NRXN3: variants seen among roughly 807,000 people sequenced by gnomAD.
NRXN3 encodes neurexin III.
In NRXN3, 32 loss-of-function variants were observed where a neutral mutation model predicts 137.6. The ratio of observed to expected loss-of-function variants is 0.23; its 90% confidence interval spans 0.18 to 0.31. NRXN3 has a LOEUF of 0.31. Among genes scored for constraint, NRXN3 ranks in the 10% least tolerant of loss-of-function variants. The pLI is 1.00. For synonymous variants in NRXN3, 798 were observed against 784.5 expected, an observed-to-expected ratio of 1.02 and a Z score of -0.29; for missense variants, 1,574 against 2,062.5, an observed-to-expected ratio of 0.76 and a Z score of 4.59.
intron 15 of NRXN3, among the ~76,000 whole-genome samples, chr14:79,210,675 G>T (rs80255203): frequency 6.6e-6 from 1 of 152,076 alleles, no homozygotes; most frequent in Admixed American, 6.6e-5. Flanking sequence ...AGAATTCCTT[G>T]GTTTTAATAA....
intron 16 of NRXN3, among the ~76,000 whole-genome samples, chr14:79,480,992 A>G (rs1349472396): frequency 1.3e-5 from 2 of 152,136 alleles, no homozygotes; most frequent in Non-Finnish European, 2.9e-5. Flanking sequence ...CTTTATATCA[A>G]TGCCAGAAAG....
chr14:79,058,168 G>T (rs898975340), intron 15 of NRXN3, among the ~76,000 whole-genome samples: 1 of 152,068 alleles, frequency 6.6e-6, no homozygotes, highest in Non-Finnish European at 1.5e-5. Flanking sequence ...TGGAGGAGCT[G>T]CTGTAGGGAA....
At chr14:78,271,928 ACGAAGGAAACAACCTCCT>A (rs2072822448) in intron 2 of NRXN3, among the ~76,000 whole-genome samples, 1 of 152,138 alleles carries the variant, frequency 6.6e-6, no homozygotes, top group African/African-American at 2.4e-5. Context: ...GAGCCCTAGA[ACGAAGGAAACAACCTCCT>A]CACTGCTGGA....
At chr14:79,764,682 C>T (rs1443454736) in intron 19 of NRXN3, among the ~76,000 whole-genome samples, 1 of 152,068 alleles carries the variant, frequency 6.6e-6, no homozygotes, top group African/African-American at 2.4e-5. Flanking sequence ...TTTCCTTATA[C>T]ACTTCCATGT....
intron 16 of NRXN3, among the ~76,000 whole-genome samples, chr14:79,645,836 C>A (rs969900745): frequency 5.2e-5 from 7 of 134,928 alleles, no homozygotes; most frequent in African/African-American, 1.7e-4. Context: ...TTGAAACTTG[C>A]CCTTTTGGCA....
At chr14:78,551,550 C>A (rs1423118156) in intron 4 of NRXN3, among the ~76,000 whole-genome samples, 2 of 150,014 alleles carry the variant, frequency 1.3e-5, no homozygotes, top group African/African-American at 4.9e-5. Context: ...TTTTTAATCT[C>A]ACCTCCTCTC....
At chr14:78,549,179 A>G (rs1190350687) in intron 4 of NRXN3, among the ~76,000 whole-genome samples, 2 of 152,200 alleles carry the variant, frequency 1.3e-5, no homozygotes, top group African/African-American at 4.8e-5. Flanking sequence ...TCCAACCTAA[A>G]CAGTTTCATA....
chr14:79,034,349 TACAC>T lies in NRXN3; in HGVS notation c.3262+46234_3262+46237del, dbSNP rs56226324. Among the ~76,000 whole-genome samples, 356 of 144,286 alleles carry T rather than the reference TACAC, an allele frequency of 2.5e-3. 1 individual carries two copies. Among genetic ancestry groups the T allele is most frequent in the South Asian group, 4.2e-3 (19 of 4,498 alleles). The allele number at this position is 144,286 out of a possible 152,430, so 94.7% of individuals were successfully genotyped here. A position where few individuals can be genotyped will look rare whatever the true frequency, so the allele number is the denominator to read the frequency against. Reference sequence around the variant, plus strand: ...TACTATAATTATGGTTCTTATTTCTTACACACACACACACACACACACACACACA... The same window carrying T: ...TACTATAATTATGGTTCTTATTTCTTACACACACACACACACACACACACA... On this transcript the variant is annotated intron_variant, in intron 15 of 20. Coordinates refer to ENST00000335750, the MANE Select transcript of NRXN3 (RefSeq NM_001330195.2).
At chr14:78,880,273 C>T (rs1159812354) in intron 10 of NRXN3, among the ~76,000 whole-genome samples, 1 of 150,836 alleles carries the variant, frequency 6.6e-6, no homozygotes, top group Non-Finnish European at 1.5e-5. Flanking sequence ...AGAATTGACC[C>T]ATTTACAATA....
intron 10 of NRXN3, among the ~76,000 whole-genome samples, chr14:78,954,755 G>A (rs931262644): frequency 1.3e-5 from 2 of 148,444 alleles, no homozygotes; most frequent in African/African-American, 5.0e-5. Context: ...GTGAGCCACT[G>A]CACCTGGCCT....
chr14:78,299,891 T>G (rs536438441), intron 4 of NRXN3, among the ~76,000 whole-genome samples: 1 of 152,346 alleles, frequency 6.6e-6, no homozygotes, highest in Non-Finnish European at 1.5e-5. Flanking sequence ...TGCAGAATTC[T>G]TCTGGGTAAC....
intron 4 of NRXN3, among the ~76,000 whole-genome samples, chr14:78,370,934 G>A (rs191148528): frequency 6.8e-4 from 104 of 152,300 alleles, no homozygotes; most frequent in Non-Finnish European, 1.2e-3. Flanking sequence ...GAGTACCTGT[G>A]TGATACTAGT....
At chr14:79,204,020 C>T (rs531847726) in intron 15 of NRXN3, among the ~76,000 whole-genome samples, 5 of 152,122 alleles carry the variant, frequency 3.3e-5, no homozygotes, top group African/African-American at 1.2e-4. Context: ...AGTTGGGTAG[C>T]GATATATGCA....
At position 79,542,199 on chromosome 14, in the gene NRXN3, A is replaced by T. The variant is rs1337727141; in HGVS notation, c.3444+74797A>T. On this transcript the variant is annotated intron_variant, in intron 16 of 20. Transcript: ENST00000335750. ...AGATTGGTATTCTGTGACATTGCTC[A>T]TGTGCAATAGAAGAATAACAAGATC... Among the ~76,000 whole-genome samples the T allele has an allele frequency of 2.6e-5, 4 of 152,218 alleles. No individual in the cohort carries two copies. In the East Asian group the frequency reaches 7.7e-4, roughly 29 times the overall value.
At chr14:79,425,972 G>A (rs1356428620) in intron 15 of NRXN3, among the ~76,000 whole-genome samples, 1 of 152,026 alleles carries the variant, frequency 6.6e-6, no homozygotes, top group Non-Finnish European at 1.5e-5. Flanking sequence ...GAGCAGAGAT[G>A]AGGGGATGAG....
In NRXN3 at chr14:79,517,366, T is replaced by A. The variant is rs946606238; in HGVS notation, c.3444+49964T>A. 3.3e-5 allele frequency among the ~76,000 whole-genome samples: 5 copies of A among 152,314 alleles called. No individual in the cohort carries two copies. The South Asian group carries it at 1.0e-3, about 32-fold the overall frequency. On this transcript the variant is annotated intron_variant, in intron 16 of 20. Transcript: ENST00000335750. ...AATTGATTTCTACTAGAGAGACTAA[T>A]CTCCATGATATGGGATGCAAATATC...
intron 16 of NRXN3, among the ~76,000 whole-genome samples, chr14:79,633,997 A>C (rs1439469168): frequency 6.9e-6 from 1 of 145,236 alleles, no homozygotes; most frequent in Admixed American, 6.8e-5. Context: ...ATAAACACAA[A>C]ACCAAAACCA....
At chr14:78,693,806 C>T (rs539339468) in intron 6 of NRXN3, among the ~76,000 whole-genome samples, 47 of 151,326 alleles carry the variant, frequency 3.1e-4, no homozygotes, top group Non-Finnish European at 4.6e-4. Context: ...TGAACCAGAG[C>T]GATTTCCTAG....
chr14:79,770,681 C>T lies in NRXN3; in HGVS notation c.4015-34431C>T, dbSNP rs560492562. On this transcript the variant is annotated intron_variant, in intron 19 of 20. Coordinates refer to ENST00000335750, the MANE Select transcript of NRXN3 (RefSeq NM_001330195.2). ...CCCACAAGAGAAAGCAGGAAAGATCCAAAATTGACACCCTAACATCACAAT... is the reference window on the plus strand; with the variant it reads ...CCCACAAGAGAAAGCAGGAAAGATCTAAAATTGACACCCTAACATCACAAT... 4.4e-3 allele frequency among the ~76,000 whole-genome samples: 653 copies of T among 148,350 alleles called. 4 individuals are homozygous for T. The highest frequency in any genetic ancestry group is 0.016 in the African/African-American group (635 of 40,182).
Sources: gnomAD v4.1 joint callset for allele counts (sites outside exome capture counted in the v4.1 genomes callset) on GRCh38, gnomAD v4.1.1 for gene constraint, MANE v1.5 for transcripts, NCBI Gene and HGNC (gene_info 2026-07-23, HGNC 2026-07-21) for gene names.